POLQ: variants seen among roughly 807,000 people sequenced by gnomAD.
POLQ encodes epididymis secretory sperm binding protein.
In POLQ, 233 loss-of-function variants were observed where a neutral mutation model predicts 259.2. The observed-to-expected ratio is 0.90, with a 90% CI of 0.81 to 1.00. The LOEUF (loss-of-function observed/expected upper bound fraction) is 1.00. Ranked by LOEUF, POLQ falls within the 50% of genes least tolerant of loss-of-function variation. The probability of loss-of-function intolerance (pLI) is 0.00; values close to 1 mark genes in which losing one functional copy is unlikely to be tolerated. For missense variants in POLQ, 2,871 were observed against 3,051.6 expected (o/e 0.94, Z 1.39); for synonymous variants, 1,025 against 1,048.8 (o/e 0.98, Z 0.44).
At chr3:121,527,070 T>G (rs1280478077) in intron 7 of POLQ, among the ~76,000 whole-genome samples, 1 of 150,314 alleles carries the variant, frequency 6.7e-6, no homozygotes, top group Non-Finnish European at 1.5e-5. Flanking sequence ...CACCTGGATA[T>G]TTTTTTTTGA....
In POLQ at chr3:121,496,829, G is replaced by A. The variant is rs2048128193; in HGVS notation, c.2257C>T (p.Gln753Ter). The change falls in exon 14 of 30, where the codon CAG (glutamine) becomes TAG (stop). Residue 753 changes from glutamine (Q) to a stop codon, truncating the protein, a stop_gained. Coordinates refer to ENST00000264233, the MANE Select transcript of POLQ (RefSeq NM_199420.4). LOFTEE classifies it high-confidence loss of function. ...CNRGQIQSLQ[Q>*]SAAVYAGMIT... The stretch of plus-strand genomic sequence containing the variant: ...TGACCTGCATAAACAGCAGCTGACT[G>A]TTGCAAAGATTGAATCTGCCCACGA... 2.5e-6 allele frequency: 4 copies of A among 1,613,404 alleles called. No individual in the cohort carries two copies. Among genetic ancestry groups the A allele is most frequent in the African/African-American group, 1.3e-5 (1 of 75,036 alleles).
chr3:121,472,006 C>A lies in POLQ; in HGVS notation c.6702G>T (p.Gln2234His), dbSNP rs975158207. Reference protein sequence around the residue: ...LGMERIYPVSQSHTATGRITF... With the variant: ...LGMERIYPVSHSHTATGRITF... The stretch of plus-strand genomic sequence containing the variant: ...TCTCATCACCTGTAGCAGTGTGCGA[C>A]TGTGATACAGGATAGATTCTTTCCA... Residue 2234 changes from glutamine to histidine, a missense_variant, in exon 22 of 30, where the codon CAG becomes CAT. Transcript: ENST00000264233. The A allele has an allele frequency of 6.6e-7, 1 of 1,524,846 alleles. No individual in the cohort carries two copies. The highest frequency in any genetic ancestry group is 8.9e-7 in the Non-Finnish European group (1 of 1,121,798). 94.5% of individuals were successfully genotyped at this position (1,524,846 alleles called of 1,614,324 possible). A position where few individuals can be genotyped will look rare whatever the true frequency, so the allele number is the denominator to read the frequency against.
chr3:121,538,676 A>G (rs1297016659), intron 4 of POLQ, among the ~76,000 whole-genome samples: 1 of 151,924 alleles, frequency 6.6e-6, no homozygotes, highest in Non-Finnish European at 1.5e-5. Flanking sequence ...GTCTATTGCA[A>G]CTCTCAAATA....
intron 7 of POLQ, among the ~76,000 whole-genome samples, chr3:121,529,203 T>C (rs1195682639): frequency 1.1e-5 from 1 of 95,228 alleles, no homozygotes; most frequent in African/African-American, 3.0e-5. Context: ...TTCAAACCCA[T>C]GTCATTCAAG....
chr3:121,540,754 T>C (rs1482423357), intron 3 of POLQ, among the ~76,000 whole-genome samples: 3 of 152,232 alleles, frequency 2.0e-5, no homozygotes, highest in Non-Finnish European at 4.4e-5. Context: ...GTTTATATGC[T>C]AGTTTAAATA....
intron 25 of POLQ, among the ~76,000 whole-genome samples, chr3:121,457,104 G>C (rs1349299929): frequency 6.6e-6 from 1 of 152,106 alleles, no homozygotes; most frequent in Non-Finnish European, 1.5e-5. Context: ...TCTGATCTTT[G>C]ACAAACCTGA....
chr3:121,494,720 A>G (rs1015751569), intron 14 of POLQ: 18 of 1,577,966 alleles, frequency 1.1e-5, no homozygotes, highest in Admixed American at 3.4e-5. Flanking sequence ...TGTCGCCTTC[A>G]CACAGGTGAA....
Position 121,432,451 on chromosome 3 carries a change from C to T in POLQ, c.7660-34G>A, listed in dbSNP as rs1487878293. On this transcript the variant is annotated intron_variant, in intron 29 of 29. Transcript: ENST00000264233. Reference sequence around the variant, plus strand: ...AAAAAAAATGTAGTTAACAAACTGCCCAGTCAAAGAATGTTTCCCAAACCA... The same window carrying T: ...AAAAAAAATGTAGTTAACAAACTGCTCAGTCAAAGAATGTTTCCCAAACCA... 1.9e-6 allele frequency: 3 copies of T among 1,591,646 alleles called. No homozygotes were observed. The South Asian group carries it at 3.4e-5, about 18-fold the overall frequency.
chr3:121,534,610 C>G (rs1359878703), intron 5 of POLQ, among the ~76,000 whole-genome samples: 1 of 152,166 alleles, frequency 6.6e-6, no homozygotes, highest in East Asian at 1.9e-4. Flanking sequence ...CATGAGCCAC[C>G]ATGCTTGGCC....
At chr3:121,519,359 G>T (rs951039282) in intron 9 of POLQ, among the ~76,000 whole-genome samples, 46 of 136,704 alleles carry the variant, frequency 3.4e-4, no homozygotes, top group East Asian at 6.5e-4. Flanking sequence ...AACAGTTGAT[G>T]ATATATATAT....
chr3:121,525,168 C>T (rs1030637893), intron 7 of POLQ, among the ~76,000 whole-genome samples: 3 of 151,948 alleles, frequency 2.0e-5, no homozygotes, highest in African/African-American at 7.3e-5. Context: ...GGTGAAACCC[C>T]GTCTCTACTA....
chr3:121,460,089 T>TG lies in POLQ; in HGVS notation c.7112dup (p.Glu2372ArgfsTer6). ...GCCTCAGATCATCCCCAACAGACTC[T>TG]GGCTCAATCATCTTCCACTCTGCTG... is the stretch of plus-strand genomic sequence containing the variant. On this transcript the variant is annotated frameshift_variant, in exon 25 of 30. Transcript: ENST00000264233. LOFTEE classifies it high-confidence loss of function. The TG allele has an allele frequency of 6.2e-7, 1 of 1,614,130 alleles. No individual in the cohort carries two copies. The highest frequency in any genetic ancestry group is 8.5e-7 in the Non-Finnish European group (1 of 1,179,986).
chr3:121,539,618 G>C (rs774900732), intron 3 of POLQ, 29 bp from the exon 4 acceptor site: 5 of 1,581,240 alleles, frequency 3.2e-6, no homozygotes, highest in Non-Finnish European at 4.3e-6. Context: ...AACAATACAG[G>C]TGAAAAAACT....
At chr3:121,447,068 T>TC (rs397811783) in intron 26 of POLQ, among the ~76,000 whole-genome samples, 1 of 151,830 alleles carries the variant, frequency 6.6e-6, no homozygotes, top group Non-Finnish European at 1.5e-5. Flanking sequence ...GGTGATTTTT[T>TC]CTGGTGGTAT....
chr3:121,435,776 C>T (rs574844687), intron 28 of POLQ, among the ~76,000 whole-genome samples: 29 of 152,302 alleles, frequency 1.9e-4, no homozygotes, highest in African/African-American at 6.5e-4. Flanking sequence ...GAGATTTACA[C>T]ATATGTAAAA....
intron 15 of POLQ, among the ~76,000 whole-genome samples, chr3:121,491,922 G>C (rs13097659): frequency 0.63 from 95,980 of 151,968 alleles, 30,701 homozygotes; most frequent in East Asian, 0.89. Flanking sequence ...TCAGCTGCAG[G>C]AAACCCTACT....
chr3:121,519,498 ACC>A (rs1288830542), intron 9 of POLQ, among the ~76,000 whole-genome samples: 2 of 149,372 alleles, frequency 1.3e-5, no homozygotes, highest in Non-Finnish European at 3.0e-5. Context: ...ACATGGTGAG[ACC>A]CCGTCTCTAC....
At position 121,476,538 on chromosome 3, in the gene POLQ, A is replaced by G. The variant is rs745730759; in HGVS notation, c.6405+2T>C. ...TCTATATCCCTAGCCCCATGATACA[A>G]CCTCAGCGATGTCATCTGAACTGGT... On this transcript the variant is annotated splice_donor_variant, in intron 20 of 29. Transcript: ENST00000264233. LOFTEE classifies it high-confidence loss of function. The G allele has an allele frequency of 6.2e-7, 1 of 1,609,362 alleles. No individual in the cohort carries two copies. Among genetic ancestry groups the G allele is most frequent in the East Asian group, 2.2e-5 (1 of 44,858 alleles).
In POLQ at chr3:121,545,963, A is replaced by G. The variant is rs2108824804; in HGVS notation, c.-86T>C. 6.8e-7 allele frequency: 1 copy of G among 1,469,836 alleles called. No homozygotes were observed. The highest frequency in any genetic ancestry group is 9.3e-7 in the Non-Finnish European group (1 of 1,076,810). The allele number at this position is 1,469,836 out of a possible 1,614,324, so 91.0% of individuals were successfully genotyped here. A position where few individuals can be genotyped will look rare whatever the true frequency, so the allele number is the denominator to read the frequency against. ...AACCCTGGCCTGGCAACAGCTGCGGACATCTTCCCGCCAGTCTTCAAACTC... is the reference window on the plus strand; with the variant it reads ...AACCCTGGCCTGGCAACAGCTGCGGGCATCTTCCCGCCAGTCTTCAAACTC... On this transcript the variant is annotated 5_prime_UTR_variant, in exon 1 of 30. Coordinates refer to ENST00000264233, the MANE Select transcript of POLQ (RefSeq NM_199420.4).
Sources: gnomAD v4.1 joint callset for allele counts (sites outside exome capture counted in the v4.1 genomes callset) on GRCh38, gnomAD v4.1.1 for gene constraint, MANE v1.5 for transcripts, NCBI Gene and HGNC (gene_info 2026-07-23, HGNC 2026-07-21) for gene names.